Variants in ITGA9 observed in about 807,000 individuals in gnomAD.
ITGA9 encodes integrin subunit alpha 9, also known as integrin alpha-9.
A neutral mutation model predicts 127.8 loss-of-function variants in ITGA9; 56 were observed. The observed-to-expected ratio is 0.44, with a 90% CI of 0.35 to 0.55. ITGA9 has a LOEUF of 0.55. Ranked by LOEUF, ITGA9 falls within the 20% of genes least tolerant of loss-of-function variation. The probability of loss-of-function intolerance (pLI) is 0.00; values close to 1 mark genes in which losing one functional copy is unlikely to be tolerated. For synonymous variants in ITGA9, 508 were observed against 514.5 expected, an observed-to-expected ratio of 0.99 and a Z score of 0.17; for missense variants, 1,196 against 1,347.1, an observed-to-expected ratio of 0.89 and a Z score of 1.76.
chr3:37,815,755 A>G (rs1302731595), intron 27 of ITGA9, among the ~76,000 whole-genome samples: 2 of 152,176 alleles, frequency 1.3e-5, no homozygotes, highest in Non-Finnish European at 1.5e-5. Context: ...ATGCTACTTG[A>G]CAAACCACCC....
intron 20 of ITGA9, among the ~76,000 whole-genome samples, chr3:37,738,760 G>A (rs183849025): frequency 6.6e-6 from 1 of 152,336 alleles, no homozygotes; most frequent in Admixed American, 6.5e-5. Context: ...TGCCTGGGAA[G>A]GAATGTGACA....
chr3:37,821,490 T>C lies in ITGA9; in HGVS notation c.*2501T>C, dbSNP rs1349794577. Reference sequence around the variant, plus strand: ...CTTTCCTTTGATGGACTCTTGTTCATAATGCCATGTTTTCTTTAATGAATC... The same window carrying C: ...CTTTCCTTTGATGGACTCTTGTTCACAATGCCATGTTTTCTTTAATGAATC... On this transcript the variant is annotated 3_prime_UTR_variant, in exon 28 of 28. Coordinates refer to ENST00000264741, the MANE Select transcript of ITGA9 (RefSeq NM_002207.3). 1 of 152,184 alleles carries C rather than the reference T, an allele frequency of 6.6e-6. No individual in the cohort carries two copies. The highest frequency in any genetic ancestry group is 2.4e-5 in the African/African-American group (1 of 41,444). 9.4% of individuals were successfully genotyped at this position (152,184 alleles called of 1,614,324 possible). A position where few individuals can be genotyped will look rare whatever the true frequency, so the allele number is the denominator to read the frequency against.
chr3:37,749,872 G>A (rs1005747772), intron 22 of ITGA9, among the ~76,000 whole-genome samples: 1 of 152,100 alleles, frequency 6.6e-6, no homozygotes, highest in Non-Finnish European at 1.5e-5. Flanking sequence ...GTCCTTGAGG[G>A]CCTCAGTTAC....
At chr3:37,666,395 C>G (rs1178096919) in intron 17 of ITGA9, among the ~76,000 whole-genome samples, 1 of 152,220 alleles carries the variant, frequency 6.6e-6, no homozygotes, top group Non-Finnish European at 1.5e-5. Flanking sequence ...ATGACTTAAA[C>G]CAGCCACCAT....
intron 17 of ITGA9, among the ~76,000 whole-genome samples, chr3:37,676,085 G>A (rs1485076723): frequency 1.3e-5 from 2 of 151,970 alleles, no homozygotes; most frequent in Non-Finnish European, 2.9e-5. Context: ...ATTTCCCCTG[G>A]ACGTCTACTT....
chr3:37,473,354 G>A lies in ITGA9; in HGVS notation c.314G>A (p.Gly105Glu). Reference sequence around the variant, plus strand: ...TCTGGCTCTTCTCCTCTTTCTCCAGGGAAGAATCGGGGCACGTCCTGCGGA... The same window carrying A: ...TCTGGCTCTTCTCCTCTTTCTCCAGAGAAGAATCGGGGCACGTCCTGCGGA... ...RRCTELDMAR[G>E]KNRGTSCGKT... Residue 105 changes from glycine (G) to glutamate (E), a missense_variant and splice_region_variant, in exon 3 of 28, where the codon GGG becomes GAG. Coordinates refer to ENST00000264741, the MANE Select transcript of ITGA9 (RefSeq NM_002207.3). The A allele has an allele frequency of 6.2e-7, 1 of 1,613,652 alleles. No homozygotes were observed. Among genetic ancestry groups the A allele is most frequent in the Non-Finnish European group, 8.5e-7 (1 of 1,179,630 alleles).
At chr3:37,561,772 C>T (rs1334949137) in intron 15 of ITGA9, among the ~76,000 whole-genome samples, 2 of 152,190 alleles carry the variant, frequency 1.3e-5, no homozygotes, top group African/African-American at 2.4e-5. Flanking sequence ...CTTTTTATGA[C>T]ACTGTAACAA....
chr3:37,654,956 T>C (rs1453202517), intron 17 of ITGA9, among the ~76,000 whole-genome samples: 1 of 152,162 alleles, frequency 6.6e-6, no homozygotes, highest in Non-Finnish European at 1.5e-5. Context: ...GGTTTTCTGT[T>C]CTTGTGTTAA....
Position 37,823,074 on chromosome 3 carries a change from AGG to A in ITGA9, c.*4087_*4088del, listed in dbSNP as rs1697532849. The A allele has an allele frequency of 6.6e-6, 1 of 152,230 alleles. No individual in the cohort carries two copies. The highest frequency in any genetic ancestry group is 2.4e-5 in the African/African-American group (1 of 41,458). 9.4% of individuals were successfully genotyped at this position (152,230 alleles called of 1,614,324 possible). ...GCTGAAGGGAGAATACAGAGCCAGTAGGGCCAAAATGAAACTTCTAGGATGTC... is the reference window on the plus strand; with the variant it reads ...GCTGAAGGGAGAATACAGAGCCAGTAGCCAAAATGAAACTTCTAGGATGTC... On this transcript the variant is annotated 3_prime_UTR_variant, in exon 28 of 28. Transcript: ENST00000264741.
rs1319165177 is a variant in ITGA9 at position 37,496,911 on chromosome 3, AT to A, written c.612+2347del. On this transcript the variant is annotated intron_variant, in intron 5 of 27. Coordinates refer to ENST00000264741, the MANE Select transcript of ITGA9 (RefSeq NM_002207.3). ...TGGGTCCAAAGGCACTCAGATTTGAATTTTGATACATGTTGGCAAATTGCAC... is the reference window on the plus strand; with the variant it reads ...TGGGTCCAAAGGCACTCAGATTTGAATTTGATACATGTTGGCAAATTGCAC... Among the ~76,000 whole-genome samples, 6 of 152,314 alleles carry A rather than the reference AT, an allele frequency of 3.9e-5. No homozygotes were observed. The South Asian group carries it at 1.2e-3, about 32-fold the overall frequency.
At chr3:37,494,253 C>T (rs1015433527) in intron 4 of ITGA9, among the ~76,000 whole-genome samples, 7 of 152,208 alleles carry the variant, frequency 4.6e-5, no homozygotes, top group African/African-American at 1.2e-4. Flanking sequence ...TCCTCTTTCT[C>T]GCACACGAGG....
intron 8 of ITGA9, among the ~76,000 whole-genome samples, chr3:37,510,152 C>T (rs1698886958): frequency 1.3e-5 from 2 of 151,602 alleles, no homozygotes; most frequent in Admixed American, 6.6e-5. Context: ...CAGACATGTG[C>T]CACCATGCCC....
chr3:37,761,954 C>G (rs1428110265), intron 23 of ITGA9, among the ~76,000 whole-genome samples: 1 of 152,212 alleles, frequency 6.6e-6, no homozygotes, highest in African/African-American at 2.4e-5. Context: ...TCCTGTAAAA[C>G]TCATGAATAA....
At chr3:37,454,969 A>G (rs1698240703) in intron 1 of ITGA9, among the ~76,000 whole-genome samples, 1 of 152,194 alleles carries the variant, frequency 6.6e-6, no homozygotes, top group Non-Finnish European at 1.5e-5. Flanking sequence ...CTTATTGTGC[A>G]AGGCTGCTGA....
chr3:37,542,667 T>A, intron 15 of ITGA9, 82 bp downstream of exon 15: 1 of 1,415,538 alleles, frequency 7.1e-7, no homozygotes, highest in Non-Finnish European at 9.9e-7. Flanking sequence ...ATTTTTATTA[T>A]GTATTATGTG....
chr3:37,809,529 A>G (rs1043978486), intron 27 of ITGA9, among the ~76,000 whole-genome samples: 1 of 152,112 alleles, frequency 6.6e-6, no homozygotes, highest in African/African-American at 2.4e-5. Flanking sequence ...GCAAACAGAA[A>G]ATGTTGGTGC....
At chr3:37,764,934 C>CT (rs1448586463) in intron 23 of ITGA9, among the ~76,000 whole-genome samples, 1 of 152,204 alleles carries the variant, frequency 6.6e-6, no homozygotes, top group Admixed American at 6.5e-5. Context: ...CCATTACTCT[C>CT]TATCTCATTT....
At position 37,629,669 on chromosome 3, in the gene ITGA9, G is replaced by A. The variant is rs1395972438; in HGVS notation, c.1839+333G>A. Reference sequence around the variant, plus strand: ...TTTTCAGAGCTTAGATTGGTGGATAGTAGGTGCTTAATGAATGTTTTATTG... The same window carrying A: ...TTTTCAGAGCTTAGATTGGTGGATAATAGGTGCTTAATGAATGTTTTATTG... On this transcript the variant is annotated intron_variant, in intron 16 of 27. Coordinates refer to ENST00000264741, the MANE Select transcript of ITGA9 (RefSeq NM_002207.3). The surrounding 1 kb of genome is among the most constrained non-coding windows in gnomAD (Gnocchi z 4.5). 1.7e-6 allele frequency: 1 copy of A among 578,208 alleles called. No homozygotes were observed. Among genetic ancestry groups the A allele is most frequent in the Non-Finnish European group, 3.1e-6 (1 of 324,240 alleles). The allele number at this position is 578,208 out of a possible 1,614,324, so 35.8% of individuals were successfully genotyped here. A position where few individuals can be genotyped will look rare whatever the true frequency, so the allele number is the denominator to read the frequency against.
chr3:37,804,984 A>C (rs1697279145), intron 27 of ITGA9, among the ~76,000 whole-genome samples: 1 of 152,076 alleles, frequency 6.6e-6, no homozygotes, highest in African/African-American at 2.4e-5. Context: ...CTTATTTTTG[A>C]ATAGTGTATT....
Sources: gnomAD v4.1 joint callset for allele counts (sites outside exome capture counted in the v4.1 genomes callset) on GRCh38, gnomAD v4.1.1 for gene constraint, Gnocchi (gnomAD v3.1) non-coding constraint, MANE v1.5 for transcripts, NCBI Gene and HGNC (gene_info 2026-07-23, HGNC 2026-07-21) for gene names.